ASPSCR1: variants seen among roughly 807,000 people sequenced by gnomAD.
ASPSCR1 encodes ASPSCR1 tether for SLC2A4, UBX domain containing, also known as tether containing UBX domain for GLUT4.
A neutral mutation model predicts 68.9 loss-of-function variants in ASPSCR1; 55 were observed. The ratio of observed to expected loss-of-function variants is 0.80; its 90% confidence interval spans 0.64 to 1.00. The LOEUF is 1.00. ASPSCR1 is among the 50% of genes least tolerant of loss of function. The pLI is 0.00. For missense variants in ASPSCR1, 765 were observed against 762.2 expected, an observed-to-expected ratio of 1.00 and a Z score of -0.04; for synonymous variants, 352 against 332.6, an observed-to-expected ratio of 1.06 and a Z score of -0.63.
chr17:81,997,310 C>T (rs1368189257), intron 7 of ASPSCR1, among the ~76,000 whole-genome samples: 1 of 151,906 alleles, frequency 6.6e-6, no homozygotes, highest in African/African-American at 2.4e-5. Flanking sequence ...AGGGGTGGGG[C>T]ATTCAGAAAT....
intron 4 of ASPSCR1, among the ~76,000 whole-genome samples, chr17:81,993,323 C>T (rs989864262): frequency 9.2e-5 from 14 of 152,160 alleles, no homozygotes; most frequent in African/African-American, 2.9e-4. Context: ...ACGCCATTCT[C>T]CTGCCTCAGC....
intron 7 of ASPSCR1, chr17:82,008,711 C>T (rs367961644): frequency 6.3e-5 from 18 of 284,636 alleles, no homozygotes; most frequent in African/African-American, 2.6e-4. Flanking sequence ...ACCCCTCCCC[C>T]CCATGGAGAC....
In ASPSCR1 at chr17:81,996,216, G is replaced by T. The variant is rs1355588889; in HGVS notation, c.506+151G>T. ...GCCTGGTGGCCTCTGCCTGCCTGTG[G>T]GCGTGGGGGCTGGGCTGCCCCGACC... On this transcript the variant is annotated intron_variant, in intron 6 of 15. Transcript: ENST00000306739. 4 of 1,343,984 alleles carry T rather than the reference G, an allele frequency of 3.0e-6. No homozygotes were observed. The East Asian group carries it at 7.6e-5, about 25-fold the overall frequency. The allele number at this position is 1,343,984 out of a possible 1,614,324, so 83.3% of individuals were successfully genotyped here.
At position 82,015,159 on chromosome 17, in the gene ASPSCR1, C is replaced by T. The variant is rs762710804; in HGVS notation, c.1354-1317C>T. The T allele has an allele frequency of 6.3e-6, 10 of 1,598,198 alleles. No individual in the cohort carries two copies. The East Asian group carries it at 8.9e-5, about 14-fold the overall frequency. ...GGGACCAGAGCAGAGAACACGCTTG[C>T]CAGTGGTAGGAGATGGAGGCGACGT... is the stretch of plus-strand genomic sequence containing the variant. On this transcript the variant is annotated intron_variant, in intron 12 of 15. Coordinates refer to ENST00000306739, the MANE Select transcript of ASPSCR1 (RefSeq NM_024083.4).
At position 82,017,038 on chromosome 17, in the gene ASPSCR1, C is replaced by A. The variant is rs749810397; in HGVS notation, c.1573C>A (p.Pro525Thr). 1.9e-6 allele frequency: 3 copies of A among 1,612,142 alleles called. No homozygotes were observed. The highest frequency in any genetic ancestry group is 3.3e-5 in the Admixed American group (2 of 60,004). Reference protein sequence around the residue: ...PAAEEGALVPPEPIPGTAQPV... With the variant: ...PAAEEGALVPTEPIPGTAQPV... ...TGCTGAGGAGGGGGCGCTGGTCCCC[C>A]CTGAGCCCATCCCAGGGACGGCCCA... is the stretch of plus-strand genomic sequence containing the variant. Residue 525 changes from proline to threonine, a missense_variant, in exon 15 of 16, where the codon CCT becomes ACT. Physicochemically the swap from Pro to Thr is conservative, Grantham distance 38 (BLOSUM62 -1). Transcript: ENST00000306739.
At chr17:82,008,775 G>C (rs962688759) in intron 7 of ASPSCR1, 3 of 404,722 alleles carry the variant, frequency 7.4e-6, no homozygotes, top group Non-Finnish European at 1.3e-5. Flanking sequence ...TGGGGAGCAG[G>C]GGCTCAGCAT....
At chr17:81,989,037 G>A (rs747441094) in intron 4 of ASPSCR1, among the ~76,000 whole-genome samples, 5 of 152,122 alleles carry the variant, frequency 3.3e-5, no homozygotes, top group Middle Eastern at 3.4e-3. Flanking sequence ...GTGAAACCCC[G>A]TCTCTACTAA....
chr17:81,993,584 G>A (rs750814383), intron 4 of ASPSCR1, among the ~76,000 whole-genome samples: 1 of 152,188 alleles, frequency 6.6e-6, no homozygotes, highest in East Asian at 1.9e-4. Flanking sequence ...GGACCCCTGC[G>A]GCCCTGTAAG....
At position 82,002,328 on chromosome 17, in the gene ASPSCR1, G is replaced by A. The variant is rs551255736; in HGVS notation, c.933+5482G>A. Among the ~76,000 whole-genome samples the A allele has an allele frequency of 5.3e-5, 8 of 149,854 alleles. No homozygotes were observed. The South Asian group carries it at 1.5e-3, about 28-fold the overall frequency. ...GGCTGGAGTACAATGGCACGATCTC[G>A]GCTCACTGCAACCTTCCCCTCCCAG... On this transcript the variant is annotated intron_variant, in intron 7 of 15. Transcript: ENST00000306739.
Position 82,017,375 on chromosome 17 carries a change from C to A in ASPSCR1, c.*53C>A, listed in dbSNP as rs774233711. ...GCCAGCCACAGGACCACCTCCTCTGCCAGCAGGAATAAAGACTTGTGCATC... is the reference window on the plus strand; with the variant it reads ...GCCAGCCACAGGACCACCTCCTCTGACAGCAGGAATAAAGACTTGTGCATC... On this transcript the variant is annotated 3_prime_UTR_variant, in exon 16 of 16. Coordinates refer to ENST00000306739, the MANE Select transcript of ASPSCR1 (RefSeq NM_024083.4). 3.1e-6 allele frequency: 5 copies of A among 1,611,108 alleles called. No individual in the cohort carries two copies. The African/African-American group carries it at 5.3e-5, about 17-fold the overall frequency.
At chr17:81,985,063 C>G (rs886495336) in intron 3 of ASPSCR1, among the ~76,000 whole-genome samples, 12 of 137,228 alleles carry the variant, frequency 8.7e-5, no homozygotes, top group African/African-American at 3.1e-4. Flanking sequence ...CACACCCACG[C>G]ACACACCTGT....
intron 7 of ASPSCR1, chr17:82,005,113 G>A (rs1025445069): frequency 6.6e-6 from 1 of 152,342 alleles, no homozygotes; most frequent in African/African-American, 2.4e-5. Context: ...AGCTTCCGAG[G>A]TGGCAAGGGC....
chr17:81,981,028 A>C (rs1006373971), intron 2 of ASPSCR1, among the ~76,000 whole-genome samples: 6 of 152,186 alleles, frequency 3.9e-5, no homozygotes, highest in Non-Finnish European at 8.8e-5. Flanking sequence ...TAAATAAATA[A>C]ATAAATGGCA....
In ASPSCR1 at chr17:81,994,847, C is replaced by T; in HGVS notation, c.401C>T (p.Ala134Val). The T allele has an allele frequency of 6.2e-7, 1 of 1,613,252 alleles. No individual in the cohort carries two copies. Among genetic ancestry groups the T allele is most frequent in the South Asian group, 1.1e-5 (1 of 91,046 alleles). The change falls in exon 5 of 16, where the codon GCC becomes GTC. Residue 134 changes from alanine (A) to valine (V), a missense_variant. By Grantham distance (64) the Ala-to-Val change is moderately conservative. Coordinates refer to ENST00000306739, the MANE Select transcript of ASPSCR1 (RefSeq NM_024083.4). ...GAGTGCCTGCAGCACCCCGGCGGGG[C>T]CACCCCAGTCTGCGTGTACACGAGG... Reference protein sequence around the residue: ...IRECLQHPGGATPVCVYTRDE... With the variant: ...IRECLQHPGGVTPVCVYTRDE...
chr17:81,996,122 T>C, intron 6 of ASPSCR1, 57 bp downstream of exon 6: 1 of 1,507,904 alleles, frequency 6.6e-7, no homozygotes, highest in Non-Finnish European at 8.9e-7. Context: ...AAAAGTGGTC[T>C]CAAAGGAAAG....
chr17:81,994,380 G>A (rs1452485643), intron 4 of ASPSCR1, among the ~76,000 whole-genome samples: 1 of 152,244 alleles, frequency 6.6e-6, no homozygotes, highest in Non-Finnish European at 1.5e-5. Flanking sequence ...TGGAGACAGG[G>A]GCACCTCCTC....
intron 4 of ASPSCR1, among the ~76,000 whole-genome samples, chr17:81,994,557 G>C (rs1222131220): frequency 6.6e-6 from 1 of 152,174 alleles, no homozygotes; most frequent in African/African-American, 2.4e-5. Context: ...CCCGAGACTG[G>C]AGGTCTCGGG....
chr17:81,979,745 C>T (rs2041734046), intron 2 of ASPSCR1, among the ~76,000 whole-genome samples: 1 of 152,094 alleles, frequency 6.6e-6, no homozygotes, highest in South Asian at 2.1e-4. Context: ...GGGGAAAGAG[C>T]TGGCCGTGGA....
At position 81,985,622 on chromosome 17, in the gene ASPSCR1, G is replaced by T; in HGVS notation, c.374+15G>T. On this transcript the variant is annotated intron_variant, in intron 4 of 15. Coordinates refer to ENST00000306739, the MANE Select transcript of ASPSCR1 (RefSeq NM_024083.4). ...CCACAGATCAGGTGAGCATCAGTGG[G>T]CTGGGGGCTCTTCCCTACCCTGTTT... 1 of 1,608,428 alleles carries T rather than the reference G, an allele frequency of 6.2e-7. No homozygotes were observed. Among genetic ancestry groups the T allele is most frequent in the South Asian group, 1.1e-5 (1 of 90,964 alleles).
Sources: allele counts gnomAD v4.1 joint callset (sites outside exome capture counted in the v4.1 genomes callset), GRCh38; gene constraint gnomAD v4.1.1; transcripts MANE v1.5; gene names NCBI Gene and HGNC (gene_info 2026-07-23, HGNC 2026-07-21).